The following INPP5B variants were observed in gnomAD, a reference collection of about 807,000 sequenced individuals.
The protein encoded by INPP5B is type II inositol 1,4,5-trisphosphate 5-phosphatase.
A neutral mutation model predicts 118.5 loss-of-function variants in INPP5B; 90 were observed. The observed-to-expected ratio is 0.76, with a 90% CI of 0.64 to 0.90. The LOEUF (loss-of-function observed/expected upper bound fraction) is 0.90. Among genes scored for constraint, INPP5B ranks in the 40% least tolerant of loss-of-function variants. INPP5B has a pLI of 0.00. For synonymous variants in INPP5B, 385 were observed against 418.9 expected (o/e 0.92, Z 0.99); for missense variants, 984 against 1,125.6 (o/e 0.87, Z 1.80).
chr1:37,891,248 C>A, intron 8 of INPP5B, 110 bp downstream of exon 8: 12 of 606,388 alleles, frequency 2.0e-5, no homozygotes, highest in Non-Finnish European at 3.1e-5. Context: ...AAAAAGGACA[C>A]TTCCTAGGCC....
intron 7 of INPP5B, among the ~76,000 whole-genome samples, chr1:37,908,333 C>G (rs1644568271): frequency 6.6e-6 from 1 of 152,174 alleles, no homozygotes; most frequent in Non-Finnish European, 1.5e-5. Context: ...ATTGGGTAAG[C>G]AGTCTTTTCA....
intron 10 of INPP5B, 30 bp from the exon 11 acceptor site, chr1:37,887,495 A>G: frequency 1.6e-6 from 2 of 1,288,836 alleles, no homozygotes; most frequent in South Asian, 2.4e-5. Flanking sequence ...GTTAGATAGT[A>G]AAGAAAAGTA....
At chr1:37,919,358 C>T (rs1355999838) in intron 7 of INPP5B, among the ~76,000 whole-genome samples, 1 of 152,100 alleles carries the variant, frequency 6.6e-6, no homozygotes, top group Non-Finnish European at 1.5e-5. Context: ...GAAGAACCTG[C>T]AAAACCATGC....
At chr1:37,875,173 C>CAAG (rs1642710312) in intron 17 of INPP5B, among the ~76,000 whole-genome samples, 1 of 152,198 alleles carries the variant, frequency 6.6e-6, no homozygotes, top group Non-Finnish European at 1.5e-5. Flanking sequence ...AGCAGTCTAT[C>CAAG]AAGAAAGACC....
chr1:37,862,579 C>T (rs1641763840), intron 23 of INPP5B, 149 bp from the exon 24 acceptor site: 2 of 639,850 alleles, frequency 3.1e-6, no homozygotes, highest in Non-Finnish European at 2.8e-6. Context: ...TAAACTTTCA[C>T]AAACCTGTAC....
intron 7 of INPP5B, among the ~76,000 whole-genome samples, chr1:37,896,162 G>C (rs1234357685): frequency 2.7e-5 from 4 of 150,462 alleles, no homozygotes; most frequent in Non-Finnish European, 5.9e-5. Context: ...CCTCTGCCCT[G>C]CCGCCCCGTC....
At chr1:37,899,716 CATCTT>C (rs1644257493) in intron 7 of INPP5B, among the ~76,000 whole-genome samples, 1 of 125,182 alleles carries the variant, frequency 8.0e-6, no homozygotes, top group Non-Finnish European at 1.7e-5. Context: ...ATTTCCATTT[CATCTT>C]TTTTTTTTTT....
chr1:37,894,760 C>T lies in INPP5B; in HGVS notation c.533-3306G>A, dbSNP rs376179525. 1.3e-4 allele frequency among the ~76,000 whole-genome samples: 20 copies of T among 152,156 alleles called. No homozygotes were observed. In the East Asian group the frequency reaches 3.9e-3, roughly 29 times the overall value. On this transcript the variant is annotated intron_variant, in intron 7 of 23. Transcript: ENST00000373024. ...TATTTTTGGTAGAGACGGGTTTTGC[C>T]ATGTTGGCCAGGCTGGTCTCAAACT...
chr1:37,885,754 C>G lies in INPP5B; in HGVS notation c.1203G>C (p.Leu401Phe). 7 of 1,614,132 alleles carry G rather than the reference C, an allele frequency of 4.3e-6. No individual in the cohort carries two copies. Among genetic ancestry groups the G allele is most frequent in the Non-Finnish European group, 5.9e-6 (7 of 1,179,996 alleles). ...NTSICVVNSH[L>F]AAHIEEYERR... The stretch of plus-strand genomic sequence containing the variant: ...TCTCATACTCTTCAATGTGGGCTGC[C>G]AAGTGAGAATTCACAACGCAGATGC... Residue 401 changes from leucine to phenylalanine, a missense_variant, in exon 13 of 24, where the codon TTG becomes TTC. Physicochemically the swap from Leu to Phe is conservative, Grantham distance 22. This residue lies in a region of INPP5B where 634 missense variants were observed against 791.0 expected (regional missense o/e 0.80). Coordinates refer to ENST00000373024, the MANE Select transcript of INPP5B (RefSeq NM_005540.3).
intron 7 of INPP5B, among the ~76,000 whole-genome samples, chr1:37,895,208 ACT>A (rs1425522378): frequency 1.3e-5 from 2 of 152,142 alleles, no homozygotes; most frequent in African/African-American, 4.8e-5. Flanking sequence ...AGGAGCCATG[ACT>A]CTCATCCATT....
intron 5 of INPP5B, chr1:37,941,958 A>AAAAAAAAAAAAAAT (rs1427344681): frequency 9.9e-5 from 3 of 30,380 alleles, no homozygotes; most frequent in African/African-American, 3.0e-4. Context: ...AAAAAAAAAA[A>AAAAAAAAAAAAAAT]ATATATATAT....
chr1:37,883,305 G>A (rs1570076398), intron 13 of INPP5B: 1 of 985,394 alleles, frequency 1.0e-6, no homozygotes, highest in Non-Finnish European at 1.2e-6. Context: ...TACCACCTCT[G>A]CCTCTGTGTA....
rs142073819 is a variant in INPP5B, at chr1:37,939,842, C to T, written c.391+846G>A. 1.4e-4 allele frequency among the ~76,000 whole-genome samples: 21 copies of T among 152,228 alleles called. No homozygotes were observed. The East Asian group carries it at 3.9e-3, about 28-fold the overall frequency. On this transcript the variant is annotated intron_variant, in intron 6 of 23. Coordinates refer to ENST00000373024, the MANE Select transcript of INPP5B (RefSeq NM_005540.3). ...AATGTAGCCTTGAACTCCTGGGCTC[C>T]GGTGATCCTCCTGCCTTAGCCTCCC...
chr1:37,873,950 T>C, intron 18 of INPP5B, 43 bp downstream of exon 18: 1 of 1,439,670 alleles, frequency 6.9e-7, no homozygotes, highest in African/African-American at 1.4e-5. Flanking sequence ...GAGTAAGGCA[T>C]TCCCCAAACC....
intron 7 of INPP5B, among the ~76,000 whole-genome samples, chr1:37,915,833 G>A (rs945012283): frequency 6.6e-6 from 1 of 152,154 alleles, no homozygotes; most frequent in Non-Finnish European, 1.5e-5. Flanking sequence ...TCAAAGACAC[G>A]TTATATTGAG....
chr1:37,875,514 C>T (rs1035435991), intron 17 of INPP5B, 92 bp downstream of exon 17: 32 of 866,126 alleles, frequency 3.7e-5, no homozygotes, highest in Non-Finnish European at 5.7e-5. Context: ...ATGACCTGCC[C>T]ACCTTGGCCT....
chr1:37,888,203 T>G, intron 10 of INPP5B, 40 bp downstream of exon 10: 1 of 1,287,482 alleles, frequency 7.8e-7, no homozygotes, highest in Non-Finnish European at 1.0e-6. Context: ...CAGCTCTGTG[T>G]GCTTGAAGAT....
At chr1:37,908,354 G>GCCTCTCTTGCTACCCTTCAATCTT (rs1361512145) in intron 7 of INPP5B, among the ~76,000 whole-genome samples, 1 of 152,078 alleles carries the variant, frequency 6.6e-6, no homozygotes, top group Non-Finnish European at 1.5e-5. Flanking sequence ...CTCTTCTCAT[G>GCCTCTCTTGCTACCCTTCAATCTT]CCTCTCTTGC....
At chr1:37,912,953 A>G (rs1644749836) in intron 7 of INPP5B, among the ~76,000 whole-genome samples, 1 of 151,536 alleles carries the variant, frequency 6.6e-6, no homozygotes, top group Non-Finnish European at 1.5e-5. Context: ...CACTGCTAAA[A>G]AAAAAAAAAA....
Sources: gnomAD v4.1 joint callset for allele counts (sites outside exome capture counted in the v4.1 genomes callset) on GRCh38, gnomAD v4.1.1 for gene constraint, gnomAD v4.1.1 regional missense constraint, MANE v1.5 for transcripts, NCBI Gene and HGNC (gene_info 2026-07-23, HGNC 2026-07-21) for gene names.